GRIP1: variants seen among roughly 807,000 people sequenced by gnomAD.
GRIP1 encodes glutamate receptor interacting protein 1.
A neutral mutation model predicts 129.9 loss-of-function variants in GRIP1; 45 were observed. That is an observed-to-expected ratio of 0.35 (90% CI 0.27 to 0.44). The LOEUF (loss-of-function observed/expected upper bound fraction) is 0.44, where lower values mean the gene tolerates loss of function less well. GRIP1 is among the 20% of genes least tolerant of loss of function. The pLI, the probability that GRIP1 is intolerant of heterozygous loss-of-function variation, is 1.00. For synonymous variants in GRIP1, 530 were observed against 520.8 expected, an observed-to-expected ratio of 1.02 and a Z score of -0.24; for missense variants, 1,196 against 1,396.8, an observed-to-expected ratio of 0.86 and a Z score of 2.29.
chr12:66,459,508 T>A (rs2138281359), intron 9 of GRIP1, among the ~76,000 whole-genome samples: 1 of 152,258 alleles, frequency 6.6e-6, no homozygotes, highest in East Asian at 1.9e-4. Context: ...GCTTTGAAAA[T>A]TACTGGGCAT....
chr12:66,377,202 C>T lies in GRIP1; in HGVS notation c.2705G>A (p.Gly902Glu). 1 of 1,612,590 alleles carries T rather than the reference C, an allele frequency of 6.2e-7. No individual in the cohort carries two copies. ...CAGTTCTCTCAGAATTCCTGACTGTCCGCAGGTTTCCAAATCCTCCAGCGC... is the reference window on the plus strand; with the variant it reads ...CAGTTCTCTCAGAATTCCTGACTGTTCGCAGGTTTCCAAATCCTCCAGCGC... Reference protein sequence around the residue: ...SQALEDLETCGQSGILRELEE... With the variant: ...SQALEDLETCEQSGILRELEE... Residue 902 changes from glycine to glutamate, a missense_variant, in exon 21 of 25, where the codon GGA becomes GAA. Coordinates refer to ENST00000359742, the MANE Select transcript of GRIP1 (RefSeq NM_001366722.1).
intron 1 of GRIP1, among the ~76,000 whole-genome samples, chr12:66,922,079 T>C (rs1031025423): frequency 6.6e-6 from 1 of 152,034 alleles, no homozygotes; most frequent in Non-Finnish European, 1.5e-5. Context: ...TTGTAAAGGA[T>C]GTAGCTGGTT....
intron 16 of GRIP1, among the ~76,000 whole-genome samples, chr12:66,398,158 C>T (rs10784526): frequency 0.9 from 137,626 of 152,190 alleles, 63,837 homozygotes; most frequent in East Asian, 1. Context: ...GGGATCCAGC[C>T]TTTGCCCCTC....
intron 1 of GRIP1, among the ~76,000 whole-genome samples, chr12:66,615,684 C>G (rs2065009755): frequency 6.6e-6 from 1 of 152,078 alleles, no homozygotes; most frequent in African/African-American, 2.4e-5. Context: ...CTCTTGTCAC[C>G]CACACTGGAG....
chr12:66,640,563 A>G lies in GRIP1; in HGVS notation c.55+38287T>C, dbSNP rs188693869. ...TGAGAATGTTCTCCTTCTTATGTCC[A>G]TTAAAACTCCTTTGGTTTCCAGATC... On this transcript the variant is annotated intron_variant, in intron 1 of 24. Transcript: ENST00000359742. 5.0e-4 allele frequency among the ~76,000 whole-genome samples: 76 copies of G among 152,322 alleles called. No individual in the cohort carries two copies. The South Asian group carries it at 9.1e-3, about 18-fold the overall frequency.
chr12:66,547,017 A>G (rs927752168), intron 2 of GRIP1, among the ~76,000 whole-genome samples: 2 of 152,198 alleles, frequency 1.3e-5, no homozygotes, highest in African/African-American at 4.8e-5. Context: ...ATCCAACAAA[A>G]GACAAAAGAC....
At chr12:66,588,877 G>A (rs773385841) in intron 2 of GRIP1, among the ~76,000 whole-genome samples, 1 of 151,790 alleles carries the variant, frequency 6.6e-6, no homozygotes, top group Non-Finnish European at 1.5e-5. Flanking sequence ...GCTGAGGCAG[G>A]AGAATCGCTT....
intron 1 of GRIP1, among the ~76,000 whole-genome samples, chr12:66,775,980 C>T (rs935904408): frequency 6.6e-6 from 1 of 152,178 alleles, no homozygotes; most frequent in African/African-American, 2.4e-5. Context: ...GTTACTATCT[C>T]CAGGGACCCA....
intron 1 of GRIP1, among the ~76,000 whole-genome samples, chr12:66,842,447 C>T (rs1275424284): frequency 6.6e-6 from 1 of 152,100 alleles, no homozygotes; most frequent in Non-Finnish European, 1.5e-5. Context: ...TGTTGTGTGG[C>T]CTTTAGCACT....
intron 1 of GRIP1, among the ~76,000 whole-genome samples, chr12:66,813,864 A>C (rs915631632): frequency 6.6e-6 from 1 of 152,202 alleles, no homozygotes; most frequent in Non-Finnish European, 1.5e-5. Context: ...AGTGTTAAAT[A>C]GGGAAGTGAC....
chr12:66,801,882 T>A (rs2038868225), intron 1 of GRIP1, among the ~76,000 whole-genome samples: 1 of 152,124 alleles, frequency 6.6e-6, no homozygotes, highest in South Asian at 2.1e-4. Context: ...ATAGTTTTTC[T>A]AAGCCGTCTC....
chr12:66,903,410 C>T (rs1310641527), intron 1 of GRIP1, among the ~76,000 whole-genome samples: 2 of 151,072 alleles, frequency 1.3e-5, no homozygotes, highest in African/African-American at 4.9e-5. Flanking sequence ...TTTAAGTAAA[C>T]TTTCAAGGTT....
At chr12:66,465,538 CTT>C (rs2059262629) in intron 7 of GRIP1, 116 bp from the exon 8 acceptor site, 2 of 860,314 alleles carry the variant, frequency 2.3e-6, no homozygotes, top group Non-Finnish European at 3.8e-6. Context: ...ATCACTGAAA[CTT>C]AGATTTCCCT....
intron 23 of GRIP1, among the ~76,000 whole-genome samples, chr12:66,363,202 T>C (rs1404400394): frequency 2.4e-5 from 1 of 42,428 alleles, no homozygotes; most frequent in Non-Finnish European, 5.9e-5. Context: ...TGTGTGTCCA[T>C]ATATATATAT....
Position 66,450,118 on chromosome 12 carries a change from G to A in GRIP1, c.1355-4610C>T, listed in dbSNP as rs573792691. ...AATTGAGACCATCCTGACTAACAGCGTGAAACCCCATCTCTACTAAAAATA... is the reference window on the plus strand; with the variant it reads ...AATTGAGACCATCCTGACTAACAGCATGAAACCCCATCTCTACTAAAAATA... On this transcript the variant is annotated intron_variant, in intron 11 of 24. Coordinates refer to ENST00000359742, the MANE Select transcript of GRIP1 (RefSeq NM_001366722.1). 2.7e-4 allele frequency among the ~76,000 whole-genome samples: 41 copies of A among 151,540 alleles called. No homozygotes were observed. The South Asian group carries it at 8.3e-3, about 31-fold the overall frequency.
At position 66,401,609 on chromosome 12, in the gene GRIP1, TAC is replaced by T. The variant is rs71096099; in HGVS notation, c.1984+4672_1984+4673del. On this transcript the variant is annotated intron_variant, in intron 16 of 24. Coordinates refer to ENST00000359742, the MANE Select transcript of GRIP1 (RefSeq NM_001366722.1). The stretch of plus-strand genomic sequence containing the variant: ...AAAAAAATATGTGTGTATATATATA[TAC>T]ACACACACACACACACACACACACA... 5.2e-3 allele frequency among the ~76,000 whole-genome samples: 574 copies of T among 109,852 alleles called. 20 individuals are homozygous for T. Among genetic ancestry groups the T allele is most frequent in the African/African-American group, 0.017 (464 of 26,702 alleles). 72.1% of individuals were successfully genotyped at this position (109,852 alleles called of 152,430 possible).
At chr12:66,815,780 CA>C (rs200805186) in intron 1 of GRIP1, among the ~76,000 whole-genome samples, 1 of 148,302 alleles carries the variant, frequency 6.7e-6, no homozygotes, top group Non-Finnish European at 1.5e-5. Flanking sequence ...AACAAACAAA[CA>C]AACAAAAAAA....
chr12:66,669,519 T>C (rs2033970194), intron 1 of GRIP1, among the ~76,000 whole-genome samples: 1 of 152,218 alleles, frequency 6.6e-6, no homozygotes, highest in Non-Finnish European at 1.5e-5. Flanking sequence ...ATACTAATTT[T>C]CAAGGAATTC....
At position 66,873,544 on chromosome 12, in the gene GRIP1, C is replaced by T. The variant is rs150351867; in HGVS notation, c.58+195506G>A. 4.0e-3 allele frequency among the ~76,000 whole-genome samples: 603 copies of T among 152,112 alleles called. 4 individuals carry two copies. The highest frequency in any genetic ancestry group is 0.014 in the African/African-American group (586 of 41,516). The stretch of plus-strand genomic sequence containing the variant: ...AGGGTATGCAGACATTCTCAATTTG[C>T]ATTCTATTTTTCAGCCATCAGTATA... On this transcript the variant is annotated intron_variant, in intron 1 of 1. Transcript: ENST00000643019.
Sources: allele counts gnomAD v4.1 joint callset (sites outside exome capture counted in the v4.1 genomes callset), GRCh38; gene constraint gnomAD v4.1.1; transcripts MANE v1.5; gene names NCBI Gene and HGNC (gene_info 2026-07-23, HGNC 2026-07-21).